The following ZNF469 variants were observed in gnomAD, a reference collection of about 807,000 sequenced individuals.
The protein encoded by ZNF469 is zinc finger protein 469.
A neutral mutation model predicts 1.0 loss-of-function variants in ZNF469; 1 was observed. The observed-to-expected ratio is 1.00, with a 90% CI of 0.35 to 4.73. The LOEUF (loss-of-function observed/expected upper bound fraction) is 4.73, where lower values mean the gene tolerates loss of function less well. Among genes scored for constraint, ZNF469 ranks in the 30% most tolerant of loss-of-function variants. The pLI, the probability that ZNF469 is intolerant of heterozygous loss-of-function variation, is 0.16. For missense variants in ZNF469, 6,100 were observed against 5,356.3 expected (o/e 1.14, Z -4.33); for synonymous variants, 2,703 against 2,363.4 (o/e 1.14, Z -4.17).
the ZNF469 span, among the ~76,000 whole-genome samples, chr16:88,268,713 C>T: frequency 2.6e-5 from 4 of 152,246 alleles, no homozygotes; most frequent in African/African-American, 9.6e-5. Context: ...CACTTCTCTA[C>T]TCTGTTCTTT....
the ZNF469 span, among the ~76,000 whole-genome samples, chr16:88,152,066 G>A: frequency 6.6e-6 from 1 of 152,248 alleles, no homozygotes; most frequent in Non-Finnish European, 1.5e-5. The surrounding 1 kb of genome is among the most constrained non-coding windows in gnomAD (Gnocchi z 4.2). Context: ...TGTGGGGAAA[G>A]CCCCACAGAG....
At chr16:88,378,840 G>A (rs1309820820), upstream of ZNF469, among the ~76,000 whole-genome samples, 1 of 152,244 alleles carries the variant, frequency 6.6e-6, no homozygotes, top group East Asian at 1.9e-4. Flanking sequence ...CTCCCAGAGT[G>A]TTTAAACGTC....
chr16:88,382,136 C>T (rs550708601), upstream of ZNF469, among the ~76,000 whole-genome samples: 1 of 152,250 alleles, frequency 6.6e-6, no homozygotes, highest in East Asian at 1.9e-4. Context: ...CGATCCGTCC[C>T]CAGATGCTGC....
chr16:88,326,715 G>C, the ZNF469 span, among the ~76,000 whole-genome samples: 1 of 152,124 alleles, frequency 6.6e-6, no homozygotes, highest in African/African-American at 2.4e-5. Flanking sequence ...TGGGACCCCC[G>C]CTGTGAAAGC....
the ZNF469 span, among the ~76,000 whole-genome samples, chr16:88,309,193 G>A: frequency 2.0e-5 from 3 of 152,374 alleles, no homozygotes; most frequent in East Asian, 5.8e-4. Context: ...ACCTCTCAGG[G>A]GAAGGAGGAA....
chr16:88,438,119 G>A lies in ZNF469; in HGVS notation c.10649G>A (p.Cys3550Tyr), dbSNP rs554186104. ...GCELPSNHQE[C>Y]PPPSLSPFPA... The stretch of plus-strand genomic sequence containing the variant: ...GAGCTGCCATCCAACCACCAGGAGT[G>A]TCCCCCGCCGTCTCTGTCTCCCTTC... The change falls in exon 3 of 3, where the codon TGT becomes TAT. Residue 3550 changes from cysteine (C) to tyrosine (Y), a missense_variant. Transcript: ENST00000565624. The A allele has an allele frequency of 4.5e-6, 7 of 1,550,360 alleles. No homozygotes were observed. Among genetic ancestry groups the A allele is most frequent in the African/African-American group, 2.7e-5 (2 of 73,162 alleles).
the ZNF469 span, among the ~76,000 whole-genome samples, chr16:88,133,784 G>T: frequency 2.6e-5 from 4 of 152,144 alleles, no homozygotes; most frequent in African/African-American, 9.7e-5. Flanking sequence ...CTTTCTGATT[G>T]TACATTATGC....
chr16:88,167,843 C>T, the ZNF469 span, among the ~76,000 whole-genome samples: 1 of 152,248 alleles, frequency 6.6e-6, no homozygotes, highest in East Asian at 1.9e-4. Flanking sequence ...GGACGGACCG[C>T]TCCTTACAGC....
At chr16:88,291,901 T>C in the ZNF469 span, among the ~76,000 whole-genome samples, 1 of 152,142 alleles carries the variant, frequency 6.6e-6, no homozygotes, top group African/African-American at 2.4e-5. Flanking sequence ...CTCTGTTTTG[T>C]GTCCTTCCTT....
At chr16:88,372,267 C>T in the ZNF469 span, among the ~76,000 whole-genome samples, 9 of 152,126 alleles carry the variant, frequency 5.9e-5, no homozygotes, top group African/African-American at 2.2e-4. Flanking sequence ...TCATCGTCAC[C>T]ATCACCATCA....
the ZNF469 span, among the ~76,000 whole-genome samples, chr16:88,310,422 C>T: frequency 9.9e-6 from 1 of 100,770 alleles, no homozygotes; most frequent in Admixed American, 1.2e-4. Flanking sequence ...ACAAGTCACA[C>T]ATCTAACACA....
intron 1 of ZNF469, among the ~76,000 whole-genome samples, chr16:88,401,850 A>T (rs1434888240): frequency 6.9e-6 from 1 of 145,452 alleles, no homozygotes; most frequent in Non-Finnish European, 1.5e-5. Context: ...ATGGATGGAT[A>T]CAAGGGTGGA....
the ZNF469 span, among the ~76,000 whole-genome samples, chr16:88,128,053 G>T: frequency 0.018 from 2,802 of 152,288 alleles, 81 homozygotes; most frequent in African/African-American, 0.063. Flanking sequence ...TTAGGTCTCA[G>T]CCCACCGGCC....
At chr16:88,150,000 A>G in the ZNF469 span, among the ~76,000 whole-genome samples, 8 of 152,238 alleles carry the variant, frequency 5.3e-5, no homozygotes, top group African/African-American at 1.4e-4. Context: ...CCCCCAGCAC[A>G]TCACTGGGTT....
rs746511029 is a variant in ZNF469, at chr16:88,438,341, G to A, written c.10871G>A (p.Arg3624His). 1.7e-5 allele frequency: 27 copies of A among 1,550,130 alleles called. No homozygotes were observed. The highest frequency in any genetic ancestry group is 1.7e-4 in the Middle Eastern group (1 of 6,012). ...KRAPLVFSGK[R>H]RAPGARGRCA... ...GCTCCTCTCGTGTTCTCAGGGAAAC[G>A]CAGGGCCCCGGGTGCCCGTGGCAGG... The change falls in exon 3 of 3, where the codon CGC (arginine) becomes CAC (histidine). Residue 3624 changes from arginine (R) to histidine (H), a missense_variant. Coordinates refer to ENST00000565624, the MANE Select transcript of ZNF469 (RefSeq NM_001367624.2).
In ZNF469 at chr16:88,433,801, G is replaced by A; in HGVS notation, c.6331G>A (p.Ala2111Thr). ...CCCAGCACCCTCTGTCGGGGACCTG[G>A]CCGCCTGCGCCCCCTCACCCACTTC... ...DSPAPSVGDL[A>T]ACAPSPTSAA... is the part of the protein sequence containing the mutation. The change falls in exon 3 of 3, where the codon GCC (alanine) becomes ACC (threonine). Residue 2111 changes from alanine to threonine, a missense_variant. By Grantham distance (58) the Ala-to-Thr change is moderately conservative. Coordinates refer to ENST00000565624, the MANE Select transcript of ZNF469 (RefSeq NM_001367624.2). 1 of 1,549,674 alleles carries A rather than the reference G, an allele frequency of 6.5e-7. No individual in the cohort carries two copies. The highest frequency in any genetic ancestry group is 8.7e-7 in the Non-Finnish European group (1 of 1,146,844).
the ZNF469 span, among the ~76,000 whole-genome samples, chr16:88,311,553 T>C: frequency 3.9e-5 from 6 of 152,210 alleles, no homozygotes; most frequent in Non-Finnish European, 5.9e-5. Context: ...TTGTGGGGAC[T>C]TCAGAACAGC....
chr16:88,278,994 G>C, the ZNF469 span, among the ~76,000 whole-genome samples: 85,712 of 134,928 alleles, frequency 0.64, 26,237 homozygotes, highest in East Asian at 0.74. Flanking sequence ...CGCTGACACT[G>C]GGACAGTACC....
chr16:88,416,194 C>A lies in ZNF469; in HGVS notation c.-191-8613C>A, dbSNP rs74032859. Reference sequence around the variant, plus strand: ...CTGGGGCAGTGGGAGGACCAGGTGACCCCCATGTAGGCCTCATCGGTCCCG... The same window carrying A: ...CTGGGGCAGTGGGAGGACCAGGTGAACCCCATGTAGGCCTCATCGGTCCCG... On this transcript the variant is annotated intron_variant, in intron 1 of 2. Transcript: ENST00000565624. Among the ~76,000 whole-genome samples, 1,247 of 152,272 alleles carry A rather than the reference C, an allele frequency of 8.2e-3. 13 individuals carry two copies. Among genetic ancestry groups the A allele is most frequent in the African/African-American group, 0.029 (1,194 of 41,542 alleles).
Sources: allele counts gnomAD v4.1 joint callset (sites outside exome capture counted in the v4.1 genomes callset), GRCh38; gene constraint gnomAD v4.1.1; non-coding constraint Gnocchi (gnomAD v3.1); transcripts MANE v1.5; gene names NCBI Gene and HGNC (gene_info 2026-07-23, HGNC 2026-07-21).